PLCH2: variants seen among roughly 807,000 people sequenced by gnomAD.
The protein encoded by PLCH2 is 1-phosphatidylinositol 4,5-bisphosphate phosphodiesterase eta-2.
In PLCH2, 98 loss-of-function variants were observed where a neutral mutation model predicts 134.7. That is an observed-to-expected ratio of 0.73 (90% CI 0.62 to 0.86). The LOEUF is 0.86. Among genes scored for constraint, PLCH2 ranks in the 40% least tolerant of loss-of-function variants. PLCH2 has a pLI of 0.00. For synonymous variants in PLCH2, 974 were observed against 827.5 expected (o/e 1.18, Z -3.04); for missense variants, 1,994 against 1,986.6 (o/e 1.00, Z -0.07).
intron 2 of PLCH2, among the ~76,000 whole-genome samples, chr1:2,442,705 T>A (rs1050622519): frequency 2.0e-5 from 3 of 152,220 alleles, no homozygotes; most frequent in African/African-American, 7.2e-5. Context: ...ACGCTGTGGC[T>A]TCCCTCTAAG....
chr1:2,473,035 G>A (rs926876186), upstream of PLCH2, among the ~76,000 whole-genome samples: 7 of 152,158 alleles, frequency 4.6e-5, no homozygotes, highest in South Asian at 2.1e-4. Flanking sequence ...GATGACAGCC[G>A]CGAGGCCCAT....
rs140514487 is a variant in PLCH2, at chr1:2,462,095, C to A, written c.116-16381C>A. Among the ~76,000 whole-genome samples the A allele has an allele frequency of 6.4e-3, 944 of 146,742 alleles. 10 individuals carry two copies. Among genetic ancestry groups the A allele is most frequent in the Admixed American group, 0.018 (262 of 14,804 alleles). ...ACCACTCCGCTTGACAACCCTCCAC[C>A]TGACACCCCCTCCGCCTGACACCCC... On this transcript the variant is annotated intron_variant, in intron 2 of 3. Coordinates refer to the PLCH2 transcript ENST00000609981.
chr1:2,477,771 G>A (rs1441374842), intron 1 of PLCH2, among the ~76,000 whole-genome samples: 1 of 152,216 alleles, frequency 6.6e-6, no homozygotes, highest in Non-Finnish European at 1.5e-5. Context: ...AGCCTCCCAA[G>A]TCCATACTGC....
chr1:2,502,877 G>A (rs1421679864), intron 21 of PLCH2: 3 of 717,182 alleles, frequency 4.2e-6, no homozygotes, highest in Non-Finnish European at 7.8e-6. Context: ...AAAGCTGGAG[G>A]AGATCAGGAG....
In PLCH2 at chr1:2,505,515, A is replaced by G; in HGVS notation, c.*302A>G. 1 of 438,730 alleles carries G rather than the reference A, an allele frequency of 2.3e-6. No homozygotes were observed. The highest frequency in any genetic ancestry group is 3.1e-5 in the South Asian group (1 of 32,514). The allele number at this position is 438,730 out of a possible 1,614,324, so 27.2% of individuals were successfully genotyped here. The stretch of plus-strand genomic sequence containing the variant: ...GCAAAACTTATACAACATTAAAATG[A>G]TACCAAGTCCCTTTCCATTTTTACC... On this transcript the variant is annotated 3_prime_UTR_variant, in exon 22 of 22. Transcript: ENST00000378486.
chr1:2,469,574 C>A (rs1641228234), intron 1 of PLCH2, among the ~76,000 whole-genome samples: 2 of 151,968 alleles, frequency 1.3e-5, no homozygotes, highest in Non-Finnish European at 2.9e-5. Flanking sequence ...TTTGCTGGGG[C>A]AGGTGTGTGT....
Position 2,476,627 on chromosome 1 carries a change from G to C in PLCH2, c.39G>C (p.Lys13Asn), listed in dbSNP as rs748608438. Residue 13 changes from lysine (K) to asparagine (N), a missense_variant, in exon 1 of 22, where the codon AAG becomes AAC. Lys to Asn is a moderately conservative substitution (Grantham distance 94). Transcript: ENST00000378486. ...GGCCCTCCCCCGACAGCCGGACCAA[G>C]GGAACGGTGGCCTGGCTGGCGGAGG... is the stretch of plus-strand genomic sequence containing the variant. ...GPWPSPDSRT[K>N]GTVAWLAEVL... 9.4e-6 allele frequency: 15 copies of C among 1,602,264 alleles called. No homozygotes were observed. The South Asian group carries it at 1.7e-4, about 18-fold the overall frequency.
chr1:2,483,769 G>GGCGCTGACCCCCGTGTGGGGGT (rs1558004628), intron 4 of PLCH2, among the ~76,000 whole-genome samples: 1 of 126,010 alleles, frequency 7.9e-6, no homozygotes, highest in African/African-American at 3.0e-5. Context: ...CCGTTTGGGG[G>GGCGCTGACCCCCGTGTGGGGGT]GGCGCTGACC....
chr1:2,501,830 T>G, intron 20 of PLCH2: 1 of 393,346 alleles, frequency 2.5e-6, no homozygotes, highest in South Asian at 1.0e-4. Flanking sequence ...GGGCCCCACA[T>G]GCCCTGGACA....
upstream of PLCH2, among the ~76,000 whole-genome samples, chr1:2,473,604 C>G (rs567430391): frequency 3.9e-3 from 589 of 152,342 alleles, 2 homozygotes; most frequent in Non-Finnish European, 6.4e-3. Flanking sequence ...CTGCCTCTGT[C>G]CTGCCCGTCC....
intron 2 of PLCH2, among the ~76,000 whole-genome samples, chr1:2,442,055 C>T (rs1260821351): frequency 1.3e-5 from 2 of 152,118 alleles, no homozygotes; most frequent in East Asian, 1.9e-4. Context: ...CAGAAAGCCT[C>T]GGGAGCGGAG....
upstream of PLCH2, among the ~76,000 whole-genome samples, chr1:2,467,239 G>A (rs1396559609): frequency 6.6e-6 from 1 of 152,126 alleles, no homozygotes; most frequent in East Asian, 1.9e-4. Context: ...AAGCTGCTAT[G>A]GGAAGAGCCA....
At position 2,504,214 on chromosome 1, in the gene PLCH2, C is replaced by G; in HGVS notation, c.3252C>G (p.Thr1084=). The part of the protein sequence containing the change: ...SQTDGRSQPR[T]LGHLPVIRRV... ...CGGACGGCAGGAGCCAGCCCCGGAC[C>G]CTGGGCCACCTGCCCGTGATTAGAA... Residue 1084 remains threonine (T), a synonymous_variant, in exon 22 of 22, where the codon ACC becomes ACG. Transcript: ENST00000378486. The G allele has an allele frequency of 6.4e-7, 1 of 1,561,328 alleles. No individual in the cohort carries two copies. Among genetic ancestry groups the G allele is most frequent in the African/African-American group, 1.4e-5 (1 of 73,510 alleles).
In PLCH2 at chr1:2,490,575, A is replaced by G. The variant is rs183531257; in HGVS notation, c.1516-617A>G. Among the ~76,000 whole-genome samples the G allele has an allele frequency of 1.8e-4, 28 of 152,058 alleles. 1 individual carries two copies. The highest frequency in any genetic ancestry group is 5.9e-5 in the Non-Finnish European group (4 of 68,004). Reference sequence around the variant, plus strand: ...CAGAGGGGCCATGCATGGGGAGATAATTGTGCAGCGTGCTCCTGGCCACGC... The same window carrying G: ...CAGAGGGGCCATGCATGGGGAGATAGTTGTGCAGCGTGCTCCTGGCCACGC... On this transcript the variant is annotated intron_variant, in intron 10 of 21. Transcript: ENST00000378486.
upstream of PLCH2, among the ~76,000 whole-genome samples, chr1:2,471,694 C>T (rs553243907): frequency 2.0e-5 from 3 of 152,194 alleles, no homozygotes; most frequent in East Asian, 1.9e-4. Context: ...GGTCAGGTGG[C>T]GCGGCCGATG....
the PLCH2 span, among the ~76,000 whole-genome samples, chr1:2,418,680 G>T: frequency 6.6e-6 from 1 of 152,238 alleles, no homozygotes; most frequent in Non-Finnish European, 1.5e-5. Flanking sequence ...AGTTCCAGGG[G>T]TGCCGTCCTG....
At chr1:2,493,912 T>C (rs1200306494) in intron 11 of PLCH2, 1 of 152,080 alleles carries the variant, frequency 6.6e-6, no homozygotes, top group Non-Finnish European at 1.5e-5. Context: ...TCCAGGGGTG[T>C]GGGAGGGTGT....
At chr1:2,489,450 A>G in intron 9 of PLCH2, 72 bp downstream of exon 9, 2 of 1,499,036 alleles carry the variant, frequency 1.3e-6, no homozygotes, top group Admixed American at 1.7e-5. Context: ...CCTGCTCCAG[A>G]CAGGCAGGGG....
At chr1:2,484,848 T>C (rs1390760890) in intron 5 of PLCH2, among the ~76,000 whole-genome samples, 1 of 152,152 alleles carries the variant, frequency 6.6e-6, no homozygotes. Flanking sequence ...AGTTTTGATA[T>C]TACAGGGTGC....
Sources: gnomAD v4.1 joint callset for allele counts (sites outside exome capture counted in the v4.1 genomes callset) on GRCh38, gnomAD v4.1.1 for gene constraint, MANE v1.5 for transcripts, NCBI Gene and HGNC (gene_info 2026-07-23, HGNC 2026-07-21) for gene names.